The following PKHD1L1 variants were observed in gnomAD, a reference collection of about 807,000 sequenced individuals.
PKHD1L1 encodes fibrocystin-L.
PKHD1L1 carries 434 observed loss-of-function variants against 462.9 expected under a neutral mutation model. The observed-to-expected ratio is 0.94, with a 90% confidence interval of 0.87 to 1.02. The LOEUF is 1.02. Ranked by LOEUF, PKHD1L1 falls within the 50% of genes least tolerant of loss-of-function variation. PKHD1L1 has a pLI of 0.00. For missense variants in PKHD1L1, 5,202 were observed against 5,096.1 expected, an observed-to-expected ratio of 1.02 and a Z score of -0.63; for synonymous variants, 1,781 against 1,750.0, an observed-to-expected ratio of 1.02 and a Z score of -0.44.
At chr8:109,381,665 G>A (rs1227518593) in intron 3 of PKHD1L1, among the ~76,000 whole-genome samples, 151 bp downstream of exon 3, 1 of 151,826 alleles carries the variant, frequency 6.6e-6, no homozygotes, top group East Asian at 1.9e-4. Context: ...GTGATGTTTA[G>A]ACTATTTTAT....
intron 54 of PKHD1L1, 45 bp from the exon 55 acceptor site, chr8:109,479,946 G>T: frequency 6.7e-7 from 1 of 1,488,332 alleles, no homozygotes; most frequent in Non-Finnish European, 8.9e-7. Flanking sequence ...GCTATAAGTT[G>T]TAGTTTATGG....
At chr8:109,379,360 C>T (rs920721259) in intron 2 of PKHD1L1, among the ~76,000 whole-genome samples, 1 of 152,146 alleles carries the variant, frequency 6.6e-6, no homozygotes, top group African/African-American at 2.4e-5. Context: ...CCATAGAATT[C>T]CATAAAATAT....
intron 50 of PKHD1L1, among the ~76,000 whole-genome samples, chr8:109,467,787 T>C (rs1817527736): frequency 6.6e-6 from 1 of 152,218 alleles, no homozygotes; most frequent in South Asian, 2.1e-4. Context: ...ACAAAATCTT[T>C]ATATCATCAT....
Position 109,535,417 on chromosome 8 carries a change from T to C in PKHD1L1, c.*5327T>C, listed in dbSNP as rs1563648562. Among the ~76,000 whole-genome samples the C allele has an allele frequency of 6.6e-6, 1 of 152,154 alleles. No homozygotes were observed. Among genetic ancestry groups the C allele is most frequent in the Non-Finnish European group, 1.5e-5 (1 of 68,030 alleles). ...TATGATTATGAGTTCAATTTTCAAGTGAAAGTAATCCTTAAAGGATTTAAT... is the reference window on the plus strand; with the variant it reads ...TATGATTATGAGTTCAATTTTCAAGCGAAAGTAATCCTTAAAGGATTTAAT... On this transcript the variant is annotated 3_prime_UTR_variant, in exon 78 of 78. Transcript: ENST00000378402.
rs770202992 is a variant in PKHD1L1, at chr8:109,420,660, T to C, written c.2667T>C (p.Asn889=). ...VTMTSYNCSY[N]IPMMAVSFGQ... is the part of the protein sequence containing the mutation. The stretch of plus-strand genomic sequence containing the variant: ...TGACTTCATACAATTGCAGTTACAA[T>C]ATACCCATGATGGCTGTGAGCTTTG... The change falls in exon 23 of 78, where the codon AAT becomes AAC. Residue 889 remains asparagine, a synonymous_variant. Coordinates refer to ENST00000378402, the MANE Select transcript of PKHD1L1 (RefSeq NM_177531.6). 3.1e-6 allele frequency: 5 copies of C among 1,601,004 alleles called. No individual in the cohort carries two copies. The South Asian group carries it at 3.4e-5, about 11-fold the overall frequency.
intron 77 of PKHD1L1, among the ~76,000 whole-genome samples, 193 bp downstream of exon 77, chr8:109,527,213 G>A (rs570269350): frequency 1.0e-3 from 156 of 152,266 alleles, no homozygotes; most frequent in Middle Eastern, 3.4e-3. Flanking sequence ...AGAATGTGGT[G>A]AAACAAGGCT....
intron 2 of PKHD1L1, among the ~76,000 whole-genome samples, chr8:109,373,986 C>T (rs560819508): frequency 2.4e-4 from 37 of 152,094 alleles, no homozygotes; most frequent in African/African-American, 7.9e-4. Context: ...TCTGTTGATT[C>T]GTGGTGGAGA....
intron 41 of PKHD1L1, among the ~76,000 whole-genome samples, chr8:109,451,844 A>G (rs1420224615): frequency 6.6e-6 from 1 of 152,236 alleles, no homozygotes; most frequent in Non-Finnish European, 1.5e-5. Flanking sequence ...GGAGATCAAC[A>G]TAGAATCACT....
chr8:109,367,040 G>T (rs1002332810), intron 2 of PKHD1L1, among the ~76,000 whole-genome samples: 4 of 152,090 alleles, frequency 2.6e-5, no homozygotes, highest in African/African-American at 9.7e-5. Context: ...TCATAAAGTT[G>T]TATATATTAA....
In PKHD1L1 at chr8:109,531,417, C is replaced by T. The variant is rs913480190; in HGVS notation, c.*1327C>T. Among the ~76,000 whole-genome samples, 74 of 152,016 alleles carry T rather than the reference C, an allele frequency of 4.9e-4. No homozygotes were observed. The highest frequency in any genetic ancestry group is 1.6e-3 in the African/African-American group (66 of 41,390). On this transcript the variant is annotated 3_prime_UTR_variant, in exon 78 of 78. Coordinates refer to ENST00000378402, the MANE Select transcript of PKHD1L1 (RefSeq NM_177531.6). ...ATGGAAACAGACCATTTCAATACAA[C>T]ATGATCACTGTCTCAGGGAGAGAGA...
chr8:109,473,983 A>G (rs1399443154), intron 50 of PKHD1L1, among the ~76,000 whole-genome samples: 1 of 152,150 alleles, frequency 6.6e-6, no homozygotes, highest in East Asian at 1.9e-4. Context: ...TCAATGAAGC[A>G]GGGAAGTCTA....
At chr8:109,521,837 TG>T (rs1400434043) in intron 73 of PKHD1L1, among the ~76,000 whole-genome samples, 1 of 152,174 alleles carries the variant, frequency 6.6e-6, no homozygotes, top group African/African-American at 2.4e-5. Flanking sequence ...AAATGACACA[TG>T]ATAATAGAAA....
intron 61 of PKHD1L1, among the ~76,000 whole-genome samples, 185 bp from the exon 62 acceptor site, chr8:109,491,688 A>C (rs372151163): frequency 6.6e-6 from 1 of 151,886 alleles, no homozygotes; most frequent in African/African-American, 2.4e-5. Context: ...GTAGTCTATT[A>C]AAGAGGTAGA....
At chr8:109,364,336 T>G (rs1811121957) in intron 1 of PKHD1L1, among the ~76,000 whole-genome samples, 1 of 152,352 alleles carries the variant, frequency 6.6e-6, no homozygotes, top group East Asian at 1.9e-4. Context: ...CCTAAGATAG[T>G]GCTTTGCACA....
At chr8:109,479,828 A>C (rs1818182427) in intron 54 of PKHD1L1, among the ~76,000 whole-genome samples, 163 bp from the exon 55 acceptor site, 1 of 152,136 alleles carries the variant, frequency 6.6e-6, no homozygotes. Context: ...CCTGACCATT[A>C]ATTAACAAGA....
At position 109,448,149 on chromosome 8, in the gene PKHD1L1, C is replaced by T. The variant is rs201502960; in HGVS notation, c.5783C>T (p.Pro1928Leu). 5.0e-6 allele frequency: 8 copies of T among 1,599,606 alleles called. No individual in the cohort carries two copies. Among genetic ancestry groups the T allele is most frequent in the Non-Finnish European group, 6.8e-6 (8 of 1,173,156 alleles). ...TGCTTTTTTTTTTTTTAAGGTCCAC[C>T]AGGAACTGAAATTGAGATCACTGGA... ...LRGIIPSRGPPGTEIEITGSN... is the reference protein window; with the variant it reads ...LRGIIPSRGPLGTEIEITGSN... Residue 1928 changes from proline to leucine, a missense_variant, in exon 39 of 78, where the codon CCA becomes CTA. By Grantham distance (98) the Pro-to-Leu change is moderately conservative (BLOSUM62 -3). Transcript: ENST00000378402.
At chr8:109,389,187 A>C (rs1812587575) in intron 8 of PKHD1L1, 35 bp downstream of exon 8, 4 of 1,507,202 alleles carry the variant, frequency 2.7e-6, no homozygotes, top group Non-Finnish European at 3.7e-6. Context: ...TAATGCTCAC[A>C]GATGCCTTAT....
intron 77 of PKHD1L1, among the ~76,000 whole-genome samples, 170 bp downstream of exon 77, chr8:109,527,190 A>C (rs1052233254): frequency 2.6e-5 from 4 of 152,138 alleles, no homozygotes; most frequent in African/African-American, 9.7e-5. Flanking sequence ...TATTCACTAC[A>C]TGTTGGTCTA....
chr8:109,489,346 G>T (rs1319078111), intron 59 of PKHD1L1, among the ~76,000 whole-genome samples: 1 of 151,706 alleles, frequency 6.6e-6, no homozygotes. Context: ...ACCCCATATT[G>T]CCTGTTATGC....
Sources: allele counts gnomAD v4.1 joint callset (sites outside exome capture counted in the v4.1 genomes callset), GRCh38; gene constraint gnomAD v4.1.1; transcripts MANE v1.5; gene names NCBI Gene and HGNC (gene_info 2026-07-23, HGNC 2026-07-21).